COL10A1: variants seen among roughly 807,000 people sequenced by gnomAD.
COL10A1 encodes the protein collagen type X alpha 1 chain, also known as collagen alpha-1(X) chain.
Under a neutral mutation model 18.2 loss-of-function variants are expected in COL10A1, and 10 were observed. The ratio of observed to expected loss-of-function variants is 0.55; its 90% CI spans 0.34 to 0.93. COL10A1 has a LOEUF of 0.93. COL10A1 is among the 40% of genes least tolerant of loss of function. The probability of loss-of-function intolerance (pLI) is 0.02; values close to 1 mark genes in which losing one functional copy is unlikely to be tolerated. For synonymous variants in COL10A1, 330 were observed against 316.6 expected (o/e 1.04, Z -0.45); for missense variants, 897 against 853.5 (o/e 1.05, Z -0.64).
chr6:116,178,695 C>G, the COL10A1 span, among the ~76,000 whole-genome samples: 1 of 152,134 alleles, frequency 6.6e-6, no homozygotes, highest in Non-Finnish European at 1.5e-5. Flanking sequence ...TATTGTACTT[C>G]CAGAAATATA....
At chr6:116,205,934 G>A in the COL10A1 span, among the ~76,000 whole-genome samples, 8 of 152,006 alleles carry the variant, frequency 5.3e-5, no homozygotes, top group South Asian at 8.3e-4. Flanking sequence ...ATGAGATTAG[G>A]TTTTGTGGTC....
rs1554193096 is a variant in COL10A1, at chr6:116,120,970, A to G, written c.1146T>C (p.Pro382=). 1.2e-6 allele frequency: 2 copies of G among 1,613,618 alleles called. No homozygotes were observed. The highest frequency in any genetic ancestry group is 1.7e-6 in the Non-Finnish European group (2 of 1,179,814). Residue 382 remains proline (P), a synonymous_variant, in exon 3 of 3, where the codon CCT becomes CCC. Transcript: ENST00000651968. Reference sequence around the variant, plus strand: ...GGTACCCTGGTTTTCCATCTGACCCAGGGGAACCCCTTTCACCCTTAGCCC... The same window carrying G: ...GGTACCCTGGTTTTCCATCTGACCCGGGGGAACCCCTTTCACCCTTAGCCC... ...YPGAKGERGS[P]GSDGKPGYPG...
chr6:116,167,414 G>A, the COL10A1 span, among the ~76,000 whole-genome samples: 77,161 of 151,514 alleles, frequency 0.51, 20,731 homozygotes, highest in African/African-American at 0.69. Flanking sequence ...GTGTTTCACC[G>A]TGTTAGCCAG....
chr6:116,210,805 A>G, the COL10A1 span, among the ~76,000 whole-genome samples: 3 of 151,916 alleles, frequency 2.0e-5, no homozygotes, highest in South Asian at 2.1e-4. Context: ...AAACACAGGT[A>G]AAAAAAACTA....
chr6:116,195,466 T>A, the COL10A1 span, among the ~76,000 whole-genome samples: 1 of 152,020 alleles, frequency 6.6e-6, no homozygotes, highest in African/African-American at 2.4e-5. Context: ...ATGGCCAAAT[T>A]GTGACCAAAT....
At chr6:116,154,524 T>C (rs1372842964) in intron 1 of COL10A1, among the ~76,000 whole-genome samples, 2 of 152,114 alleles carry the variant, frequency 1.3e-5, no homozygotes, top group African/African-American at 4.8e-5. Flanking sequence ...TTCCAACAAA[T>C]GCTGATGAAA....
intron 1 of COL10A1, among the ~76,000 whole-genome samples, chr6:116,143,390 C>A (rs1582831258): frequency 6.6e-6 from 1 of 151,834 alleles, no homozygotes; most frequent in African/African-American, 2.4e-5. Context: ...TTTTTTGTAT[C>A]TTTAGTAGAG....
the COL10A1 span, among the ~76,000 whole-genome samples, chr6:116,216,737 A>G: frequency 6.6e-5 from 10 of 152,082 alleles, no homozygotes; most frequent in South Asian, 1.7e-3. Context: ...TTTGCCACCT[A>G]TAAATAAACA....
the COL10A1 span, among the ~76,000 whole-genome samples, chr6:116,180,851 C>A: frequency 6.6e-6 from 1 of 151,984 alleles, no homozygotes; most frequent in African/African-American, 2.4e-5. Context: ...CAACCAATTG[C>A]AATTTGTGAG....
the COL10A1 span, among the ~76,000 whole-genome samples, chr6:116,176,140 C>T: frequency 1.9e-4 from 29 of 152,178 alleles, no homozygotes; most frequent in Admixed American, 1.9e-3. Context: ...TTGGGTTTTG[C>T]TACCTATGGT....
At chr6:116,212,861 T>A in the COL10A1 span, among the ~76,000 whole-genome samples, 1 of 152,174 alleles carries the variant, frequency 6.6e-6, no homozygotes, top group Non-Finnish European at 1.5e-5. Flanking sequence ...AATTTTGGAT[T>A]TCTTTAAACT....
the COL10A1 span, among the ~76,000 whole-genome samples, chr6:116,175,436 T>C: frequency 7.2e-5 from 11 of 152,336 alleles, no homozygotes; most frequent in African/African-American, 1.9e-4. Flanking sequence ...ACTGAACTTA[T>C]TGGATCTGTG....
chr6:116,148,933 A>G (rs1307115713), intron 1 of COL10A1, among the ~76,000 whole-genome samples: 1 of 152,218 alleles, frequency 6.6e-6, no homozygotes, highest in African/African-American at 2.4e-5. Context: ...GCTTATTCCA[A>G]GAAGCCAGTC....
At chr6:116,182,538 G>A in the COL10A1 span, among the ~76,000 whole-genome samples, 4 of 151,794 alleles carry the variant, frequency 2.6e-5, no homozygotes, top group East Asian at 5.8e-4. Context: ...CCACATCCAC[G>A]CCAACACCTA....
the COL10A1 span, among the ~76,000 whole-genome samples, chr6:116,164,283 A>G: frequency 6.6e-6 from 1 of 152,094 alleles, no homozygotes; most frequent in South Asian, 2.1e-4. Flanking sequence ...TGGGTAATGT[A>G]TATATTTAGG....
chr6:116,178,107 G>A, the COL10A1 span, among the ~76,000 whole-genome samples: 7 of 92,980 alleles, frequency 7.5e-5, no homozygotes, highest in Admixed American at 2.9e-4. Context: ...GCGCGCGTGC[G>A]TGCGTGTGTG....
Position 116,121,648 on chromosome 6 carries a change from T to C in COL10A1, c.468A>G (p.Gly156=). The C allele has an allele frequency of 6.2e-7, 1 of 1,613,970 alleles. No individual in the cohort carries two copies. The highest frequency in any genetic ancestry group is 8.5e-7 in the Non-Finnish European group (1 of 1,179,890). Residue 156 remains glycine, a synonymous_variant, in exon 3 of 3, where the codon GGA becomes GGG. Coordinates refer to ENST00000651968, the MANE Select transcript of COL10A1 (RefSeq NM_000493.4). ...CTGTGGGTCCCTGTTGTCCAGGTTT[T>C]CCTGGCACAGAAATTCCAGCCGGTC... ...IPGPAGISVP[G]KPGQQGPTGA...
At chr6:116,135,872 T>TATATATACACACAC (rs368675402) in intron 1 of COL10A1, among the ~76,000 whole-genome samples, 14 of 121,296 alleles carry the variant, frequency 1.2e-4, no homozygotes, top group African/African-American at 4.2e-4. Flanking sequence ...TATATATATA[T>TATATATACACACAC]ACACACATAC....
chr6:116,122,631 T>G (rs1779165730), intron 2 of COL10A1, among the ~76,000 whole-genome samples: 1 of 152,218 alleles, frequency 6.6e-6, no homozygotes, highest in African/African-American at 2.4e-5. Flanking sequence ...TCACTTGACC[T>G]GATAAACTAA....
Sources: allele counts gnomAD v4.1 joint callset (sites outside exome capture counted in the v4.1 genomes callset), GRCh38; gene constraint gnomAD v4.1.1; transcripts MANE v1.5; gene names NCBI Gene and HGNC (gene_info 2026-07-23, HGNC 2026-07-21).